The following WWOX variants were observed in gnomAD, a reference collection of about 807,000 sequenced individuals.
WWOX encodes the protein WW domain containing oxidoreductase.
WWOX carries 69 observed loss-of-function variants against 46.2 expected under a neutral mutation model. The observed-to-expected ratio is 1.49, with a 90% CI of 1.23 to 1.82. The LOEUF is 1.82. WWOX is among the 40% of genes most tolerant of loss of function. WWOX has a pLI of 0.00. For missense variants in WWOX, 919 were observed against 542.6 expected (o/e 1.69, Z -6.89); for synonymous variants, 359 against 202.6 (o/e 1.77, Z -6.56).
intron 8 of WWOX, among the ~76,000 whole-genome samples, chr16:78,757,766 G>C (rs1407303053): frequency 6.6e-6 from 1 of 150,734 alleles, no homozygotes; most frequent in Admixed American, 6.6e-5. Context: ...CTTTCTGATT[G>C]ACAGATAGCG....
intron 8 of WWOX, among the ~76,000 whole-genome samples, chr16:78,979,260 C>T (rs759947885): frequency 1.3e-5 from 2 of 152,294 alleles, no homozygotes; most frequent in African/African-American, 2.4e-5. Flanking sequence ...CATCCCCATT[C>T]CCACCTCCCA....
At chr16:79,021,619 A>G (rs1189139355) in intron 8 of WWOX, among the ~76,000 whole-genome samples, 1 of 152,230 alleles carries the variant, frequency 6.6e-6, no homozygotes, top group Non-Finnish European at 1.5e-5. Flanking sequence ...CTCTCGCGTG[A>G]TAGGAAAATA....
intron 8 of WWOX, among the ~76,000 whole-genome samples, chr16:78,804,351 AC>A: frequency 6.6e-6 from 1 of 152,096 alleles, no homozygotes. Context: ...TCTGACTTTG[AC>A]TTTTGCTCGG....
intron 8 of WWOX, among the ~76,000 whole-genome samples, chr16:78,501,554 TG>T (rs1252848295): frequency 6.6e-6 from 1 of 151,582 alleles, no homozygotes; most frequent in African/African-American, 2.4e-5. Context: ...TTTTTTTTTT[TG>T]AGATGGAGTC....
At chr16:79,092,441 G>A (rs1251774252) in intron 8 of WWOX, among the ~76,000 whole-genome samples, 2 of 152,096 alleles carry the variant, frequency 1.3e-5, no homozygotes, top group Non-Finnish European at 2.9e-5. Context: ...GGTTCCTCAT[G>A]GATGTGCACC....
chr16:79,088,246 C>T (rs552389243), intron 8 of WWOX, among the ~76,000 whole-genome samples: 2 of 152,310 alleles, frequency 1.3e-5, no homozygotes, highest in South Asian at 4.1e-4. Flanking sequence ...GATCCCTAAG[C>T]ACAGCCTGTG....
intron 4 of WWOX, among the ~76,000 whole-genome samples, chr16:78,163,488 C>A (rs942415846): frequency 6.6e-6 from 1 of 152,292 alleles, no homozygotes; most frequent in Middle Eastern, 3.4e-3. Flanking sequence ...CTCAGCCCAT[C>A]TTCTCAGGCT....
chr16:78,406,303 A>AATATATATATAT (rs532594425), intron 6 of WWOX, among the ~76,000 whole-genome samples: 18 of 57,834 alleles, frequency 3.1e-4, no homozygotes, highest in East Asian at 7.5e-4. Context: ...TATAAATATA[A>AATATATATATAT]ATATATATAT....
intron 8 of WWOX, among the ~76,000 whole-genome samples, chr16:78,789,076 G>C (rs985755059): frequency 4.6e-5 from 7 of 151,988 alleles, no homozygotes; most frequent in African/African-American, 1.7e-4. Context: ...CAAAAGTTTG[G>C]GTGTTGTATC....
intron 8 of WWOX, among the ~76,000 whole-genome samples, chr16:78,739,686 C>T (rs755461456): frequency 3.0e-4 from 46 of 152,106 alleles, no homozygotes; most frequent in Admixed American, 2.2e-3. Flanking sequence ...TGGTGCATGC[C>T]TGTAATCCCA....
intron 8 of WWOX, among the ~76,000 whole-genome samples, chr16:78,921,659 G>A (rs1258213574): frequency 6.6e-6 from 1 of 152,178 alleles, no homozygotes; most frequent in African/African-American, 2.4e-5. Context: ...AGGTAAGAGA[G>A]GAATGGGTTC....
intron 8 of WWOX, among the ~76,000 whole-genome samples, chr16:78,442,643 C>G (rs910173269): frequency 1.3e-5 from 2 of 152,102 alleles, no homozygotes; most frequent in Non-Finnish European, 2.9e-5. Flanking sequence ...GGCACTGTGT[C>G]TGTCATAGAA....
chr16:78,343,621 G>C (rs866184263), intron 5 of WWOX, among the ~76,000 whole-genome samples: 1 of 121,018 alleles, frequency 8.3e-6, no homozygotes, highest in African/African-American at 2.8e-5. Flanking sequence ...ATATGGAAAC[G>C]TGGCTTCATG....
At chr16:79,204,468 G>A (rs1361905958) in intron 8 of WWOX, 1 of 152,076 alleles carries the variant, frequency 6.6e-6, no homozygotes, top group East Asian at 1.9e-4. Flanking sequence ...AATAATAGCA[G>A]GTCTCAGAAA....
At chr16:78,775,472 A>G (rs960861463) in intron 8 of WWOX, among the ~76,000 whole-genome samples, 1 of 152,086 alleles carries the variant, frequency 6.6e-6, no homozygotes, top group Non-Finnish European at 1.5e-5. Context: ...CTCATTTCTC[A>G]TCTCTTGTTG....
At chr16:78,765,833 T>C (rs1262301910) in intron 8 of WWOX, among the ~76,000 whole-genome samples, 1 of 152,174 alleles carries the variant, frequency 6.6e-6, no homozygotes, top group Non-Finnish European at 1.5e-5. Flanking sequence ...TGCCCTGGGA[T>C]GGTGGAGCCT....
At chr16:78,476,027 G>A (rs1470894245) in intron 8 of WWOX, among the ~76,000 whole-genome samples, 1 of 152,108 alleles carries the variant, frequency 6.6e-6, no homozygotes, top group African/African-American at 2.4e-5. Context: ...CCTTACTCAT[G>A]CTTCCTCTGT....
chr16:78,130,008 G>C (rs1271615492), intron 4 of WWOX: 1 of 152,122 alleles, frequency 6.6e-6, no homozygotes, highest in East Asian at 1.9e-4. Context: ...GTTCTCATGA[G>C]ATCTGATGGT....
chr16:78,723,749 T>C lies in WWOX; in HGVS notation c.1056+290997T>C, dbSNP rs547532250. On this transcript the variant is annotated intron_variant, in intron 8 of 8. Coordinates refer to ENST00000566780, the MANE Select transcript of WWOX (RefSeq NM_016373.4). The stretch of plus-strand genomic sequence containing the variant: ...GGGTTCACTCCTGACAGTTCTTTAT[T>C]GCTTTCCCACCTCTGCCAAGGTCAA... 3.7e-4 allele frequency among the ~76,000 whole-genome samples: 57 copies of C among 152,138 alleles called. 1 individual carries two copies. The highest frequency in any genetic ancestry group is 6.8e-3 in the Middle Eastern group (2 of 294).
Sources: allele counts gnomAD v4.1 joint callset (sites outside exome capture counted in the v4.1 genomes callset), GRCh38; gene constraint gnomAD v4.1.1; transcripts MANE v1.5; gene names NCBI Gene and HGNC (gene_info 2026-07-23, HGNC 2026-07-21).